The following SLC26A4 variants were observed in gnomAD, a reference collection of about 807,000 sequenced individuals.
SLC26A4 encodes pendrin.
SLC26A4 carries 93 observed loss-of-function variants against 90.4 expected under a neutral mutation model. The ratio of observed to expected loss-of-function variants is 1.03; its 90% CI spans 0.87 to 1.22. SLC26A4 has a LOEUF of 1.22. Among genes scored for constraint, SLC26A4 ranks in the 50% most tolerant of loss-of-function variants. The probability of loss-of-function intolerance (pLI) is 0.00; values close to 1 mark genes in which losing one functional copy is unlikely to be tolerated. For missense variants in SLC26A4, 1,127 were observed against 946.2 expected (o/e 1.19, Z -2.51); for synonymous variants, 393 against 354.6 (o/e 1.11, Z -1.22).
At chr7:107,702,708 T>C (rs1791931299) in intron 17 of SLC26A4, among the ~76,000 whole-genome samples, 1 of 146,600 alleles carries the variant, frequency 6.8e-6, no homozygotes, top group Non-Finnish European at 1.5e-5. Flanking sequence ...AAAAAGAATA[T>C]CTGGTTCAAA....
intron 2 of SLC26A4, among the ~76,000 whole-genome samples, 158 bp from the exon 3 acceptor site, chr7:107,663,137 AG>A (rs1481318426): frequency 6.6e-6 from 1 of 152,220 alleles, no homozygotes; most frequent in East Asian, 1.9e-4. Flanking sequence ...TCTTGGCAAA[AG>A]CATGGTAAGC....
intron 10 of SLC26A4, among the ~76,000 whole-genome samples, chr7:107,693,995 G>T (rs185512452): frequency 2.0e-5 from 3 of 152,302 alleles, no homozygotes; most frequent in African/African-American, 7.2e-5. Flanking sequence ...TGTGCCATGA[G>T]AATTTATTTC....
Position 107,715,450 on chromosome 7 carries a change from T to A in SLC26A4, c.*4T>A. ...TATGCGTACACTTGCATCCTGAAAGTGGGTTCGGGAGGTCTCTATGAGCAA... is the reference window on the plus strand; with the variant it reads ...TATGCGTACACTTGCATCCTGAAAGAGGGTTCGGGAGGTCTCTATGAGCAA... On this transcript the variant is annotated 3_prime_UTR_variant, in exon 21 of 21. Coordinates refer to ENST00000644269, the MANE Select transcript of SLC26A4 (RefSeq NM_000441.2). 3 of 1,612,808 alleles carry A rather than the reference T, an allele frequency of 1.9e-6. No individual in the cohort carries two copies. Among genetic ancestry groups the A allele is most frequent in the Non-Finnish European group, 2.5e-6 (3 of 1,178,820 alleles).
intron 17 of SLC26A4, among the ~76,000 whole-genome samples, chr7:107,703,680 A>G (rs1206288453): frequency 6.6e-6 from 1 of 152,230 alleles, no homozygotes; most frequent in East Asian, 1.9e-4. Flanking sequence ...AATGACAGTT[A>G]TGATAGCTAA....
At position 107,715,666 on chromosome 7, in the gene SLC26A4, G is replaced by A. The variant is rs1792328286; in HGVS notation, c.*220G>A. ...TTCAGACGATTTGGCAGCGTCCAGG[G>A]TAAGCTGGTGTTATAATACGCTGCT... On this transcript the variant is annotated 3_prime_UTR_variant, in exon 21 of 21. Transcript: ENST00000644269. The A allele has an allele frequency of 3.4e-6, 2 of 588,154 alleles. No individual in the cohort carries two copies. The highest frequency in any genetic ancestry group is 5.7e-5 in the East Asian group (2 of 35,278). 36.4% of individuals were successfully genotyped at this position (588,154 alleles called of 1,614,324 possible). A position where few individuals can be genotyped will look rare whatever the true frequency, so the allele number is the denominator to read the frequency against.
At chr7:107,705,121 A>G (rs953332393) in intron 18 of SLC26A4, among the ~76,000 whole-genome samples, 1 of 152,212 alleles carries the variant, frequency 6.6e-6, no homozygotes, top group African/African-American at 2.4e-5. Flanking sequence ...GCAAAGCTCA[A>G]GAAGACTAAA....
At chr7:107,681,539 A>T (rs1229919008) in intron 6 of SLC26A4, among the ~76,000 whole-genome samples, 1 of 151,610 alleles carries the variant, frequency 6.6e-6, no homozygotes, top group African/African-American at 2.4e-5. Flanking sequence ...TTATCTTCCT[A>T]TAAAATATGT....
intron 6 of SLC26A4, among the ~76,000 whole-genome samples, chr7:107,682,020 T>C (rs1791245014): frequency 6.9e-6 from 1 of 145,494 alleles, no homozygotes; most frequent in African/African-American, 2.6e-5. Context: ...TGCCTGTAGC[T>C]CCAGCTACTC....
Position 107,688,732 on chromosome 7 carries a change from CAT to C in SLC26A4, c.1002-320_1002-319del, listed in dbSNP as rs546244562. Among the ~76,000 whole-genome samples the C allele has an allele frequency of 4.6e-5, 7 of 152,246 alleles. No homozygotes were observed. In the East Asian group the frequency reaches 5.8e-4, roughly 13 times the overall value. ...GGAATTGTGGAAGGAGAAACACTAA[CAT>C]GTGAAATGGCATGGATGGGGCTGTA... is the stretch of plus-strand genomic sequence containing the variant. On this transcript the variant is annotated intron_variant, in intron 8 of 20. Coordinates refer to ENST00000644269, the MANE Select transcript of SLC26A4 (RefSeq NM_000441.2).
chr7:107,667,213 T>A (rs1247284289), intron 3 of SLC26A4, among the ~76,000 whole-genome samples: 1 of 151,642 alleles, frequency 6.6e-6, no homozygotes, highest in African/African-American at 2.4e-5. Flanking sequence ...GTGTGAAGGT[T>A]AGAGGAGAGG....
intron 8 of SLC26A4, among the ~76,000 whole-genome samples, chr7:107,686,223 G>T (rs1468510737): frequency 6.6e-6 from 1 of 151,224 alleles, no homozygotes. Flanking sequence ...TCCTCTTGTT[G>T]TCATGTTTGT....
chr7:107,691,709 G>A (rs1791583741), intron 10 of SLC26A4: 4 of 493,726 alleles, frequency 8.1e-6, no homozygotes, highest in Admixed American at 1.3e-4. Flanking sequence ...TGGAAGAATT[G>A]GCCTCTTCCA....
rs999138325 is a variant in SLC26A4 at position 107,661,741 on chromosome 7, C to T, written c.100C>T (p.Gln34Ter). Residue 34 changes from glutamine (Q) to a stop codon, truncating the protein, a stop_gained, in exon 2 of 21, where the codon CAA becomes TAA. Coordinates refer to ENST00000644269, the MANE Select transcript of SLC26A4 (RefSeq NM_000441.2). LOFTEE classifies it high-confidence loss of function. This position sits in a 1 kb window ranked among gnomAD's most constrained non-coding sequence, Gnocchi z 5.1. ...GGTCTACAGCGAGCTCGCTTTCCAG[C>T]AACAGCACGAGCGGCGCCTGCAGGA... ...RPVYSELAFQQQHERRLQERK... is the reference protein window; with the variant it reads ...RPVYSELAFQ 1 of 1,552,076 alleles carries T rather than the reference C, an allele frequency of 6.4e-7. No individual in the cohort carries two copies.
At chr7:107,686,889 TA>T (rs1261478461) in intron 8 of SLC26A4, among the ~76,000 whole-genome samples, 12 of 152,322 alleles carry the variant, frequency 7.9e-5, no homozygotes, top group Non-Finnish European at 1.5e-4. Flanking sequence ...CTGTTGTTTT[TA>T]AAGTATGTGC....
rs771492393 is a variant in SLC26A4 at position 107,695,944 on chromosome 7, G to T, written c.1449G>T (p.Val483=). ...RQNKIDAVIW[V]FTCIVSIILG... ...ATTTTTTTCCCTAGGTTATCTGGGT[G>T]TTTACGTGTATAGTGTCCATCATTC... The change falls in exon 13 of 21, where the codon GTG becomes GTT. Residue 483 remains valine, a synonymous_variant. Transcript: ENST00000644269. 1.3e-6 allele frequency: 2 copies of T among 1,593,708 alleles called. No homozygotes were observed. The highest frequency in any genetic ancestry group is 2.2e-5 in the South Asian group (2 of 90,634).
chr7:107,706,144 T>A (rs1237186084), intron 18 of SLC26A4, among the ~76,000 whole-genome samples: 14 of 152,214 alleles, frequency 9.2e-5, no homozygotes, highest in Non-Finnish European at 1.8e-4. Context: ...AACCATATGT[T>A]TTTCTTTCTA....
chr7:107,710,778 T>C (rs1170683699), intron 19 of SLC26A4, among the ~76,000 whole-genome samples: 1 of 152,214 alleles, frequency 6.6e-6, no homozygotes, highest in Non-Finnish European at 1.5e-5. Context: ...ATTTTGTTAA[T>C]TTTTCTGTCA....
Position 107,661,641 on chromosome 7 carries a change from C to T in SLC26A4, c.-1C>T, listed in dbSNP as rs910333210. 6.4e-7 allele frequency: 1 copy of T among 1,561,912 alleles called. No individual in the cohort carries two copies. The highest frequency in any genetic ancestry group is 8.6e-7 in the Non-Finnish European group (1 of 1,159,180). On this transcript the variant is annotated splice_region_variant and 5_prime_UTR_variant, in exon 2 of 21. Transcript: ENST00000644269. The surrounding 1 kb of genome is among the most constrained non-coding windows in gnomAD (Gnocchi z 5.1). ...CCTCGCTGTCCTCTGGCTCGCAGGTCATGGCAGCGCCAGGCGGCAGGTCGG... is the reference window on the plus strand; with the variant it reads ...CCTCGCTGTCCTCTGGCTCGCAGGTTATGGCAGCGCCAGGCGGCAGGTCGG...
chr7:107,693,582 A>G, intron 10 of SLC26A4: 1 of 985,502 alleles, frequency 1.0e-6, no homozygotes, highest in Non-Finnish European at 1.2e-6. Flanking sequence ...GCTCTGCCCC[A>G]GCTGTCTCAA....
Sources: gnomAD v4.1 joint callset for allele counts (sites outside exome capture counted in the v4.1 genomes callset) on GRCh38, gnomAD v4.1.1 for gene constraint, Gnocchi (gnomAD v3.1) non-coding constraint, MANE v1.5 for transcripts, NCBI Gene and HGNC (gene_info 2026-07-23, HGNC 2026-07-21) for gene names.